Variants in KRT6B observed in about 807,000 individuals in gnomAD.
The protein encoded by KRT6B is keratin 6B.
KRT6B carries 29 observed loss-of-function variants against 44.7 expected under a neutral mutation model. That is an observed-to-expected ratio of 0.65 (90% CI 0.48 to 0.88). The LOEUF (loss-of-function observed/expected upper bound fraction) is 0.88, where lower values mean the gene tolerates loss of function less well. Ranked by LOEUF, KRT6B falls within the 40% of genes least tolerant of loss-of-function variation. The probability of loss-of-function intolerance (pLI) is 0.00; values close to 1 mark genes in which losing one functional copy is unlikely to be tolerated. For missense variants in KRT6B, 600 were observed against 724.0 expected (o/e 0.83, Z 1.97); for synonymous variants, 213 against 296.0 (o/e 0.72, Z 2.88).
Position 52,446,842 on chromosome 12 carries a change from A to ATC in KRT6B, c.*347_*348insGA. On this transcript the variant is annotated 3_prime_UTR_variant, in exon 9 of 9. Coordinates refer to ENST00000252252, the MANE Select transcript of KRT6B (RefSeq NM_005555.4). ...AGCTATAATGGGCAGGATGGTTAGCAATTAAAGAGAGGACTCCTCATCTGC... is the reference window on the plus strand; with the variant it reads ...AGCTATAATGGGCAGGATGGTTAGCATCATTAAAGAGAGGACTCCTCATCTGC... 1 of 358,080 alleles carries ATC rather than the reference A, an allele frequency of 2.8e-6. No homozygotes were observed. The allele number at this position is 358,080 out of a possible 1,614,324, so 22.2% of individuals were successfully genotyped here.
rs573309098 is a variant in KRT6B at position 52,449,388 on chromosome 12, T to C, written c.1077+81A>G. On this transcript the variant is annotated intron_variant, in intron 5 of 8. Coordinates refer to ENST00000252252, the MANE Select transcript of KRT6B (RefSeq NM_005555.4). ...AGGACCCCAGCTTCCTGTCAGGGGA[T>C]GTCCCCAGTGAAGTCTGCAGTCCTC... 29 of 1,597,318 alleles carry C rather than the reference T, an allele frequency of 1.8e-5. No individual in the cohort carries two copies. In the East Asian group the frequency reaches 6.0e-4, roughly 33 times the overall value.
chr12:52,449,994 C>G lies in KRT6B; in HGVS notation c.816+18G>C, dbSNP rs370653806. ...TCTCCTTCTAAATGAATTTGAACCC[C>G]TGGCTTCATCTGCTCACCTTCTTCA... On this transcript the variant is annotated intron_variant, in intron 3 of 8. Coordinates refer to ENST00000252252, the MANE Select transcript of KRT6B (RefSeq NM_005555.4). 2.8e-5 allele frequency: 45 copies of G among 1,614,008 alleles called. No homozygotes were observed. Among genetic ancestry groups the G allele is most frequent in the Non-Finnish European group, 3.8e-5 (45 of 1,179,860 alleles).
At chr12:52,449,443 T>C (rs1328380716) in intron 5 of KRT6B, 26 bp downstream of exon 5, 4 of 1,614,078 alleles carry the variant, frequency 2.5e-6, no homozygotes, top group Non-Finnish European at 2.5e-6. Context: ...CAAGGATTCC[T>C]CAGCGGCTGT....
chr12:52,449,948 G>A, intron 3 of KRT6B, 64 bp downstream of exon 3: 6 of 1,613,880 alleles, frequency 3.7e-6, no homozygotes, highest in African/African-American at 1.3e-5. Flanking sequence ...TCCCAGGGGA[G>A]CGAGGACACA....
rs1394313206 is a variant in KRT6B at position 52,447,609 on chromosome 12, C to T, written c.1425-36G>A. On this transcript the variant is annotated intron_variant, in intron 7 of 8. Transcript: ENST00000252252. ...GAACACAGGGAGGGTGAGACCTTCC[C>T]TGGACGAGCATGGGAAGCCTCAGTG... 7 of 1,613,884 alleles carry T rather than the reference C, an allele frequency of 4.3e-6. No individual in the cohort carries two copies. In the South Asian group the frequency reaches 5.5e-5, roughly 13 times the overall value.
chr12:52,449,565 G>A lies in KRT6B; in HGVS notation c.981C>T (p.Asn327=), dbSNP rs756758177. Residue 327 remains asparagine, a synonymous_variant, in exon 5 of 9, where the codon AAC becomes AAT. Transcript: ENST00000252252. ...CAGCGATGATGCTGTCCAGGTCCAG[G>A]TTGCGGTTGTTGTCCATGGATAGCA... The part of the protein sequence containing the change: ...SVVLSMDNNR[N]LDLDSIIAEV... 2 of 1,614,220 alleles carry A rather than the reference G, an allele frequency of 1.2e-6. No homozygotes were observed. The highest frequency in any genetic ancestry group is 1.7e-6 in the Non-Finnish European group (2 of 1,180,040).
chr12:52,451,379 A>G (rs1940400095), intron 1 of KRT6B, among the ~76,000 whole-genome samples, 160 bp downstream of exon 1: 1 of 150,524 alleles, frequency 6.6e-6, no homozygotes, highest in African/African-American at 2.5e-5. Flanking sequence ...AGTGATGCCC[A>G]TCTGTGCTGC....
Position 52,446,818 on chromosome 12 carries a change from GCTATA to G in KRT6B, c.*367_*371del. On this transcript the variant is annotated 3_prime_UTR_variant, in exon 9 of 9. Coordinates refer to ENST00000252252, the MANE Select transcript of KRT6B (RefSeq NM_005555.4). Reference sequence around the variant, plus strand: ...TGTCAGATGAGAACTCCTGAGTGTAGCTATAATGGGCAGGATGGTTAGCAATTAAA... The same window carrying G: ...TGTCAGATGAGAACTCCTGAGTGTAGATGGGCAGGATGGTTAGCAATTAAA... 7.7e-4 allele frequency: 244 copies of G among 315,668 alleles called. No homozygotes were observed. Among genetic ancestry groups the G allele is most frequent in the South Asian group, 1.7e-3 (42 of 24,714 alleles). 19.6% of individuals were successfully genotyped at this position (315,668 alleles called of 1,614,324 possible).
At position 52,450,481 on chromosome 12, in the gene KRT6B, T is replaced by A. The variant is rs652423; in HGVS notation, c.680A>T (p.Asn227Ile). The change falls in exon 2 of 9, where the codon AAC becomes ATC. Residue 227 changes from asparagine (N) to isoleucine (I), a missense_variant. This residue lies in a region of KRT6B where 479 missense variants were observed against 454.2 expected (regional missense o/e 1.05). Coordinates refer to ENST00000252252, the MANE Select transcript of KRT6B (RefSeq NM_005555.4). ...YINNLRRQLD[N>I]IVGERGRLDS... Reference sequence around the variant, plus strand: ...CAGACGACCCCGTTCCCCCACGATGTTGTCCAGCTGCCTCCTGAGGTTGTT... The same window carrying A: ...CAGACGACCCCGTTCCCCCACGATGATGTCCAGCTGCCTCCTGAGGTTGTT... 4 of 1,613,640 alleles carry A rather than the reference T, an allele frequency of 2.5e-6. No individual in the cohort carries two copies. The East Asian group carries it at 8.9e-5, about 36-fold the overall frequency.
At position 52,448,975 on chromosome 12, in the gene KRT6B, C is replaced by T; in HGVS notation, c.1078-8G>A. 6.2e-7 allele frequency: 1 copy of T among 1,612,468 alleles called. No individual in the cohort carries two copies. Among genetic ancestry groups the T allele is most frequent in the South Asian group, 1.1e-5 (1 of 91,006 alleles). On this transcript the variant is annotated splice_region_variant and splice_polypyrimidine_tract_variant and intron_variant, in intron 5 of 8. Transcript: ENST00000252252. ...GATCTGCAGCTCCTCGTACTGCAGC[C>T]CAGAGGTGGAGAGAGAGACAGTGTC...
Position 52,450,567 on chromosome 12 carries a change from C to A in KRT6B, c.594G>T (p.Leu198=). 6.2e-7 allele frequency: 1 copy of A among 1,614,242 alleles called. No individual in the cohort carries two copies. The highest frequency in any genetic ancestry group is 8.5e-7 in the Non-Finnish European group (1 of 1,180,036). The stretch of plus-strand genomic sequence containing the variant: ...TCACAGTCTTGGTGCCCTGCTCCTG[C>A]AGCAGGGTCCACTTGGTGTCCAGAA... The part of the protein sequence containing the change: ...NKVLDTKWTL[L]QEQGTKTVRQ... The change falls in exon 2 of 9, where the codon CTG becomes CTT. Residue 198 remains leucine, a synonymous_variant. Transcript: ENST00000252252.
intron 6 of KRT6B, among the ~76,000 whole-genome samples, chr12:52,448,559 A>C (rs1940348747): frequency 6.6e-6 from 1 of 152,160 alleles, no homozygotes; most frequent in South Asian, 2.1e-4. Flanking sequence ...TTGCAATTCC[A>C]AAGTCAATCA....
intron 2 of KRT6B, 33 bp from the exon 3 acceptor site, chr12:52,450,105 C>A: frequency 6.2e-7 from 1 of 1,613,880 alleles, no homozygotes; most frequent in Non-Finnish European, 8.5e-7. Context: ...CACATTTGAG[C>A]CAGTGGGTAG....
rs772264432 is a variant in KRT6B at position 52,446,957 on chromosome 12, C to G, written c.*233G>C. ...GCAGACTCAGATACCTGTAATAATACGGGAACTAAAAAGGACATTCGCATG... is the reference window on the plus strand; with the variant it reads ...GCAGACTCAGATACCTGTAATAATAGGGGAACTAAAAAGGACATTCGCATG... On this transcript the variant is annotated 3_prime_UTR_variant, in exon 9 of 9. Coordinates refer to ENST00000252252, the MANE Select transcript of KRT6B (RefSeq NM_005555.4). 3 of 593,852 alleles carry G rather than the reference C, an allele frequency of 5.1e-6. No homozygotes were observed. Among genetic ancestry groups the G allele is most frequent in the African/African-American group, 1.9e-5 (1 of 53,732 alleles). 36.8% of individuals were successfully genotyped at this position (593,852 alleles called of 1,614,324 possible).
At chr12:52,447,604 C>T (rs1940331748) in intron 7 of KRT6B, 31 bp from the exon 8 acceptor site, 1 of 1,614,004 alleles carries the variant, frequency 6.2e-7, no homozygotes. Context: ...AGGGTGAGAC[C>T]TTCCCTGGAC....
In KRT6B at chr12:52,449,743, G is replaced by A. The variant is rs1325355334; in HGVS notation, c.912+15C>T. On this transcript the variant is annotated intron_variant, in intron 4 of 8. Transcript: ENST00000252252. ...ACCCCATCAGAGTAAACAGAAGGAT[G>A]GTGGAGTTGCTTACTGCATCATACA... The A allele has an allele frequency of 6.2e-7, 1 of 1,614,098 alleles. No individual in the cohort carries two copies. Among genetic ancestry groups the A allele is most frequent in the Non-Finnish European group, 8.5e-7 (1 of 1,179,978 alleles).
Position 52,450,616 on chromosome 12 carries a change from C to T in KRT6B, c.545G>A (p.Arg182Gln), listed in dbSNP as rs71453293. 240 of 1,613,916 alleles carry T rather than the reference C, an allele frequency of 1.5e-4. No homozygotes were observed. Among genetic ancestry groups the T allele is most frequent in the Admixed American group, 2.8e-4 (17 of 60,002 alleles). Residue 182 changes from arginine to glutamine, a missense_variant, in exon 2 of 9, where the codon CGG (arginine) becomes CAG (glutamine). By Grantham distance (43) the Arg-to-Gln change is conservative. This residue lies in a region of KRT6B where 31 missense variants were observed against 79.0 expected (regional missense o/e 0.39). Coordinates refer to ENST00000252252, the MANE Select transcript of KRT6B (RefSeq NM_005555.4). ...AACCTTGTTCTGCTGCTCTAGGAAC[C>T]GCACCTGGAGGGGAAGCAAAATGGT... ...NKFASFIDKV[R>Q]FLEQQNKVLD...
chr12:52,447,843 G>A lies in KRT6B; in HGVS notation c.1359C>T (p.Asn453=), dbSNP rs145280284. The change falls in exon 7 of 9, where the codon AAC becomes AAT. Residue 453 remains asparagine, a synonymous_variant. Coordinates refer to ENST00000252252, the MANE Select transcript of KRT6B (RefSeq NM_005555.4). The part of the protein sequence containing the change: ...RLLKEYQELM[N]VKLALDVEIA... ...TCTCCACATCCAGGGCCAGCTTGACGTTCATCAGCTCCTGGTACTCCTTCA... is the reference window on the plus strand; with the variant it reads ...TCTCCACATCCAGGGCCAGCTTGACATTCATCAGCTCCTGGTACTCCTTCA... The A allele has an allele frequency of 3.9e-4, 628 of 1,613,996 alleles. 1 individual carries two copies. The highest frequency in any genetic ancestry group is 6.2e-4 in the East Asian group (28 of 44,850).
At chr12:52,447,719 C>G in intron 7 of KRT6B, 59 bp downstream of exon 7, 1 of 1,614,142 alleles carries the variant, frequency 6.2e-7, no homozygotes, top group Non-Finnish European at 8.5e-7. Flanking sequence ...AAGTTGTGCT[C>G]AGTGCCAGAA....
Sources: gnomAD v4.1 joint callset for allele counts (sites outside exome capture counted in the v4.1 genomes callset) on GRCh38, gnomAD v4.1.1 for gene constraint, gnomAD v4.1.1 regional missense constraint, MANE v1.5 for transcripts, NCBI Gene and HGNC (gene_info 2026-07-23, HGNC 2026-07-21) for gene names.